Variants in ABCB5 observed in about 807,000 individuals in gnomAD.
ABCB5 encodes ATP-binding cassette sub-family B member 5.
A neutral mutation model predicts 144.2 loss-of-function variants in ABCB5; 155 were observed. That is an observed-to-expected ratio of 1.08 (90% CI 0.94 to 1.23). The LOEUF (loss-of-function observed/expected upper bound fraction) is 1.23, where lower values mean the gene tolerates loss of function less well. Ranked by LOEUF, ABCB5 falls within the 50% of genes most tolerant of loss-of-function variation. The pLI is 0.00. For missense variants in ABCB5, 1,830 were observed against 1,520.8 expected, an observed-to-expected ratio of 1.20 and a Z score of -3.38; for synonymous variants, 610 against 528.6, an observed-to-expected ratio of 1.15 and a Z score of -2.11.
chr7:20,616,521 A>G (rs779068930), intron 1 of ABCB5, among the ~76,000 whole-genome samples: 2 of 152,224 alleles, frequency 1.3e-5, no homozygotes, highest in Non-Finnish European at 2.9e-5. Flanking sequence ...TTTTTAAGGC[A>G]AAAGTCCTTA....
In ABCB5 at chr7:20,632,059, C is replaced by A. The variant is rs1326293207; in HGVS notation, c.260C>A (p.Thr87Lys). The change falls in exon 5 of 28, where the codon ACA (threonine) becomes AAA (lysine). Residue 87 changes from threonine to lysine, a missense_variant and splice_region_variant. Physicochemically the swap from Thr to Lys is moderately conservative, Grantham distance 78. Coordinates refer to ENST00000404938, the MANE Select transcript of ABCB5 (RefSeq NM_001163941.2). ...ISGCLVQTNT[T>K]NYQNCTQSQE... ...ATATTTTAAATAACCTTTTTTACAG[C>A]AAATTATCAGAACTGTACTCAGTCT... The A allele has an allele frequency of 3.3e-6, 5 of 1,504,610 alleles. No homozygotes were observed. The highest frequency in any genetic ancestry group is 4.4e-6 in the Non-Finnish European group (5 of 1,123,950). The allele number at this position is 1,504,610 out of a possible 1,614,324, so 93.2% of individuals were successfully genotyped here.
At chr7:20,711,801 T>C (rs1476017591) in intron 20 of ABCB5, among the ~76,000 whole-genome samples, 3 of 43,500 alleles carry the variant, frequency 6.9e-5, no homozygotes, top group Non-Finnish European at 7.0e-5. Flanking sequence ...TCTTTCTTTC[T>C]TTCTTTCTTT....
chr7:20,701,362 A>T (rs9655200), intron 19 of ABCB5, among the ~76,000 whole-genome samples: 13,203 of 152,200 alleles, frequency 0.087, 809 homozygotes, highest in South Asian at 0.2. Context: ...CTTTAAATTT[A>T]TCTTTTTCCC....
intron 26 of ABCB5, among the ~76,000 whole-genome samples, chr7:20,746,130 G>A (rs547516258): frequency 5.3e-5 from 8 of 150,814 alleles, no homozygotes; most frequent in South Asian, 2.1e-4. Flanking sequence ...ACAGAGTTTC[G>A]CTCTTGTTGC....
At chr7:20,660,101 T>C (rs964078420) in intron 14 of ABCB5, 3 of 984,768 alleles carry the variant, frequency 3.0e-6, no homozygotes, top group Non-Finnish European at 3.6e-6. Flanking sequence ...TCAAAACTAG[T>C]TCAGACTTTT....
At chr7:20,660,567 T>G (rs13223438) in intron 14 of ABCB5, among the ~76,000 whole-genome samples, 1 of 151,958 alleles carries the variant, frequency 6.6e-6, no homozygotes, top group South Asian at 2.1e-4. Context: ...TGTAGCACCA[T>G]GACAGCCCTC....
chr7:20,632,776 C>G (rs1366959414), intron 5 of ABCB5, among the ~76,000 whole-genome samples: 1 of 151,372 alleles, frequency 6.6e-6, no homozygotes, highest in Non-Finnish European at 1.5e-5. Flanking sequence ...AAAACAAACA[C>G]CGCATATTCT....
In ABCB5 at chr7:20,740,023, A is replaced by G. The variant is rs181768918; in HGVS notation, c.3024+884A>G. On this transcript the variant is annotated intron_variant, in intron 24 of 27. Coordinates refer to ENST00000404938, the MANE Select transcript of ABCB5 (RefSeq NM_001163941.2). ...GAGGTGGGTGGATCACGAGGTCAGG[A>G]GATCGAGTCCATCCTGGCTAACATG... 5.7e-4 allele frequency among the ~76,000 whole-genome samples: 87 copies of G among 152,264 alleles called. 1 individual carries two copies. The East Asian group carries it at 0.015, about 27-fold the overall frequency.
chr7:20,707,540 G>A (rs1424769244), intron 20 of ABCB5, among the ~76,000 whole-genome samples: 1 of 152,104 alleles, frequency 6.6e-6, no homozygotes, highest in Non-Finnish European at 1.5e-5. Flanking sequence ...TATTATTTCT[G>A]TACATTTTGG....
intron 17 of ABCB5, among the ~76,000 whole-genome samples, chr7:20,699,480 C>T (rs182070657): frequency 3.3e-5 from 5 of 152,262 alleles, no homozygotes; most frequent in African/African-American, 1.2e-4. Context: ...GCAGCCGGAT[C>T]ACTTGAGGTC....
intron 7 of ABCB5, among the ~76,000 whole-genome samples, chr7:20,644,048 C>A (rs867407748): frequency 1.5e-4 from 22 of 151,622 alleles, no homozygotes; most frequent in African/African-American, 5.1e-4. Context: ...CAATAAACAT[C>A]TTTTTATATC....
intron 11 of ABCB5, 29 bp from the exon 12 acceptor site, chr7:20,649,993 T>C: frequency 1.3e-6 from 2 of 1,592,372 alleles, no homozygotes; most frequent in Admixed American, 1.8e-5. Context: ...ATTGTGGTTT[T>C]ATGATTTTCC....
chr7:20,710,367 C>CAA (rs144865719), intron 20 of ABCB5, among the ~76,000 whole-genome samples: 14,339 of 34,692 alleles, frequency 0.41, 3,622 homozygotes, highest in East Asian at 0.54. Context: ...AACTCCACCT[C>CAA]AAAAAAAAAA....
chr7:20,652,456 G>C (rs1261214108), intron 13 of ABCB5, among the ~76,000 whole-genome samples: 1 of 152,184 alleles, frequency 6.6e-6, no homozygotes, highest in African/African-American at 2.4e-5. Flanking sequence ...TATAGTCTCA[G>C]CTACTAGGGA....
intron 21 of ABCB5, among the ~76,000 whole-genome samples, chr7:20,726,794 G>C (rs1003439113): frequency 6.6e-6 from 1 of 152,166 alleles, no homozygotes; most frequent in African/African-American, 2.4e-5. Flanking sequence ...GTATAAACTT[G>C]AATGGGGTTA....
intron 1 of ABCB5, among the ~76,000 whole-genome samples, chr7:20,621,330 A>T (rs192725710): frequency 3.3e-5 from 5 of 152,244 alleles, no homozygotes; most frequent in Admixed American, 6.5e-5. Context: ...TACAACATTG[A>T]GTATGCACTT....
intron 14 of ABCB5, among the ~76,000 whole-genome samples, chr7:20,668,967 A>AG (rs1785346457): frequency 9.3e-6 from 1 of 107,234 alleles, no homozygotes; most frequent in Non-Finnish European, 1.9e-5. Context: ...CCCGTCCGGG[A>AG]GGGAGGTGGG....
At chr7:20,677,518 C>G (rs1311155702) in intron 14 of ABCB5, among the ~76,000 whole-genome samples, 1 of 152,140 alleles carries the variant, frequency 6.6e-6, no homozygotes, top group Non-Finnish European at 1.5e-5. Flanking sequence ...CACCTGAGGT[C>G]AGGAGTTCAA....
At chr7:20,744,724 G>C (rs1480231818) in intron 25 of ABCB5, among the ~76,000 whole-genome samples, 1 of 151,500 alleles carries the variant, frequency 6.6e-6, no homozygotes, top group Non-Finnish European at 1.5e-5. Flanking sequence ...TAACAAACCT[G>C]TACGTTGTGC....
Sources: allele counts gnomAD v4.1 joint callset (sites outside exome capture counted in the v4.1 genomes callset), GRCh38; gene constraint gnomAD v4.1.1; transcripts MANE v1.5; gene names NCBI Gene and HGNC (gene_info 2026-07-23, HGNC 2026-07-21).